The following DNAH10 variants were observed in gnomAD, a reference collection of about 807,000 sequenced individuals.
DNAH10 encodes dynein axonemal heavy chain 10, also known as axonemal beta dynein heavy chain 10.
Under a neutral mutation model 506.6 loss-of-function variants are expected in DNAH10, and 348 were observed. The observed-to-expected ratio is 0.69, with a 90% CI of 0.63 to 0.75. DNAH10 has a LOEUF of 0.75. Ranked by LOEUF, DNAH10 falls within the 30% of genes least tolerant of loss-of-function variation. The pLI is 0.00. For missense variants in DNAH10, 5,179 were observed against 5,787.1 expected (o/e 0.89, Z 3.41); for synonymous variants, 2,059 against 2,198.6 (o/e 0.94, Z 1.78).
At chr12:123,920,135 T>C (rs1954662808) in intron 65 of DNAH10, among the ~76,000 whole-genome samples, 1 of 152,226 alleles carries the variant, frequency 6.6e-6, no homozygotes, top group South Asian at 2.1e-4. Context: ...GAGAATAGTG[T>C]CGTGATCGTC....
chr12:123,927,094 G>A, intron 69 of DNAH10: 1 of 441,040 alleles, frequency 2.3e-6, no homozygotes. Context: ...CCAGGCTGGA[G>A]TGCAGTGGTG....
rs1290822207 is a variant in DNAH10 at position 123,787,652 on chromosome 12, C to T, written c.1422-152C>T. 2.2e-6 allele frequency: 2 copies of T among 898,868 alleles called. No individual in the cohort carries two copies. The highest frequency in any genetic ancestry group is 1.7e-5 in the African/African-American group (1 of 59,012). 55.7% of individuals were successfully genotyped at this position (898,868 alleles called of 1,614,324 possible). ...GCCCTTGCACATGGGACAGGGCAGC[C>T]GCTTGCCCGCTCTGCCTTTTCCGAT... On this transcript the variant is annotated intron_variant, in intron 9 of 78. Coordinates refer to ENST00000673944, the MANE Select transcript of DNAH10 (RefSeq NM_001372106.1). This position sits in a 1 kb window ranked among gnomAD's most constrained non-coding sequence, Gnocchi z 4.6.
chr12:123,929,365 C>G lies in DNAH10; in HGVS notation c.12397C>G (p.Pro4133Ala). 1 of 1,611,716 alleles carries G rather than the reference C, an allele frequency of 6.2e-7. No individual in the cohort carries two copies. The highest frequency in any genetic ancestry group is 8.5e-7 in the Non-Finnish European group (1 of 1,178,980). The change falls in exon 71 of 79, where the codon CCT becomes GCT. Residue 4133 changes from proline (P) to alanine (A), a missense_variant. Physicochemically the swap from Pro to Ala is conservative, Grantham distance 27. Coordinates refer to ENST00000673944, the MANE Select transcript of DNAH10 (RefSeq NM_001372106.1). ...SHEMLDQCPHPAFKPLVYVLA... is the reference protein window; with the variant it reads ...SHEMLDQCPHAAFKPLVYVLA... ...CGAAATGCTGGACCAGTGCCCGCAC[C>G]CTGCCTTCAAGCCGCTGGTCTACGT...
chr12:123,896,128 CACACACACACACACACACACAGAG>C lies in DNAH10; in HGVS notation c.9280+1407_9280+1430del, dbSNP rs1477041908. The stretch of plus-strand genomic sequence containing the variant: ...ACTTTATCTCACACACACACACACA[CACACACACACACACACACACAGAG>C]AGAGAGAGAGAGAGAGAGAGAGAGA... On this transcript the variant is annotated intron_variant, in intron 54 of 78. Coordinates refer to ENST00000673944, the MANE Select transcript of DNAH10 (RefSeq NM_001372106.1). Among the ~76,000 whole-genome samples the C allele has an allele frequency of 2.2e-3, 256 of 115,318 alleles. 1 individual carries two copies. The highest frequency in any genetic ancestry group is 9.1e-3 in the African/African-American group (245 of 27,056). 75.7% of individuals were successfully genotyped at this position (115,318 alleles called of 152,430 possible).
At position 123,820,699 on chromosome 12, in the gene DNAH10, A is replaced by C; in HGVS notation, c.4120A>C (p.Lys1374Gln). The change falls in exon 24 of 79, where the codon AAA becomes CAA. Residue 1374 changes from lysine to glutamine, a missense_variant. Physicochemically the swap from Lys to Gln is moderately conservative, Grantham distance 53. Around this residue, in one of 3 missense-constraint regions of DNAH10, gnomAD observed 4,844 missense variants for 5,430.5 expected, o/e 0.89. Coordinates refer to ENST00000673944, the MANE Select transcript of DNAH10 (RefSeq NM_001372106.1). ...TATTACAATGTACCCAGAGCTGCTG[A>C]AAGTGCAGAAGGAAATGAGTGGGCT... is the stretch of plus-strand genomic sequence containing the variant. Reference protein sequence around the residue: ...LPITMYPELLKVQKEMSGLRM... With the variant: ...LPITMYPELLQVQKEMSGLRM... 2 of 1,614,026 alleles carry C rather than the reference A, an allele frequency of 1.2e-6. No homozygotes were observed. Among genetic ancestry groups the C allele is most frequent in the South Asian group, 1.1e-5 (1 of 91,088 alleles).
chr12:123,844,836 G>T (rs577552646), intron 30 of DNAH10, among the ~76,000 whole-genome samples: 111 of 152,078 alleles, frequency 7.3e-4, no homozygotes, highest in Non-Finnish European at 1.4e-3. Context: ...ACAAGGTTTC[G>T]CTGTGTTGCC....
At chr12:123,865,849 A>T in intron 40 of DNAH10, 102 bp from the exon 41 acceptor site, 1 of 1,218,140 alleles carries the variant, frequency 8.2e-7, no homozygotes, top group Non-Finnish European at 1.1e-6. Context: ...TATTATTTGG[A>T]TTTCATGCAG....
In DNAH10 at chr12:123,800,266, T is replaced by G. The variant is rs1958434191; in HGVS notation, c.2340T>G (p.Phe780Leu). The G allele has an allele frequency of 2.5e-6, 4 of 1,614,070 alleles. No homozygotes were observed. The East Asian group carries it at 8.9e-5, about 36-fold the overall frequency. The change falls in exon 15 of 79, where the codon TTT becomes TTG. Residue 780 changes from phenylalanine (F) to leucine (L), a missense_variant. This residue lies in a region of DNAH10 where 4,844 missense variants were observed against 5,430.5 expected (regional missense o/e 0.89). Coordinates refer to ENST00000673944, the MANE Select transcript of DNAH10 (RefSeq NM_001372106.1). Reference protein sequence around the residue: ...EPSTLERGAVFAINFSPALRE... With the variant: ...EPSTLERGAVLAINFSPALRE... ...CGACTTTAGAAAGGGGAGCTGTTTT[T>G]GCAATCAACTTTTCACCGGCTCTCA... is the stretch of plus-strand genomic sequence containing the variant.
chr12:123,878,118 A>G (rs530121989), intron 48 of DNAH10, among the ~76,000 whole-genome samples: 1 of 152,300 alleles, frequency 6.6e-6, no homozygotes, highest in East Asian at 1.9e-4. Flanking sequence ...AAACCAAGAG[A>G]AGCAGAAGTG....
chr12:123,856,304 GTATA>G (rs979626502), intron 36 of DNAH10, among the ~76,000 whole-genome samples: 1 of 148,820 alleles, frequency 6.7e-6, no homozygotes, highest in Admixed American at 6.7e-5. Context: ...ATATGTATGT[GTATA>G]TATATGTGTG....
In DNAH10 at chr12:123,848,819, C is replaced by G. The variant is rs369689578; in HGVS notation, c.6039C>G (p.Ser2013=). The change falls in exon 34 of 79, where the codon TCC becomes TCG. Residue 2013 remains serine, a synonymous_variant. Transcript: ENST00000673944. ...ATCGAATCGATGCTTCTGTGCTCTC[C>G]GTGATCTCCTCCCAGATCCAGACGA... ...EFNRIDASVL[S]VISSQIQTIR... is the part of the protein sequence containing the mutation. The G allele has an allele frequency of 6.2e-7, 1 of 1,613,774 alleles. No homozygotes were observed. Among genetic ancestry groups the G allele is most frequent in the East Asian group, 2.2e-5 (1 of 44,886 alleles).
chr12:123,902,543 C>G lies in DNAH10; in HGVS notation c.9641-396C>G, dbSNP rs761606123. Among the ~76,000 whole-genome samples, 2 of 152,084 alleles carry G rather than the reference C, an allele frequency of 1.3e-5. No individual in the cohort carries two copies. Among genetic ancestry groups the G allele is most frequent in the Non-Finnish European group, 2.9e-5 (2 of 68,010 alleles). ...CTTAGAGGGTGGCTCTGGCTGGGCC[C>G]GAGTGAGCGTAGGAAGAGGCGATGA... On this transcript the variant is annotated intron_variant, in intron 56 of 78. Coordinates refer to ENST00000673944, the MANE Select transcript of DNAH10 (RefSeq NM_001372106.1). This position sits in a 1 kb window ranked among gnomAD's most constrained non-coding sequence, Gnocchi z 4.5.
chr12:123,762,604 CCT>C lies in DNAH10; in HGVS notation c.214+58_214+59del. 1.3e-6 allele frequency: 2 copies of C among 1,497,790 alleles called. No individual in the cohort carries two copies. The highest frequency in any genetic ancestry group is 1.8e-6 in the Non-Finnish European group (2 of 1,120,772). 92.8% of individuals were successfully genotyped at this position (1,497,790 alleles called of 1,614,324 possible). ...CGGGCTTCCCTCCTGCCCGTCCCGG[CCT>C]CTCCGGCGGGCGCCGGGGCTGCTAG... On this transcript the variant is annotated intron_variant, in intron 1 of 78. Coordinates refer to ENST00000673944, the MANE Select transcript of DNAH10 (RefSeq NM_001372106.1). This position sits in a 1 kb window ranked among gnomAD's most constrained non-coding sequence, Gnocchi z 5.0.
chr12:123,833,662 T>C (rs1960814754), intron 27 of DNAH10, among the ~76,000 whole-genome samples: 1 of 152,246 alleles, frequency 6.6e-6, no homozygotes. Flanking sequence ...TTGATGACAC[T>C]GAAAATTAGA....
At chr12:123,831,765 G>A (rs1016489134) in intron 26 of DNAH10, among the ~76,000 whole-genome samples, 6 of 151,682 alleles carry the variant, frequency 4.0e-5, no homozygotes, top group African/African-American at 1.5e-4. Context: ...GTGGTGCCGG[G>A]TGTGGTGGCG....
Position 123,879,657 on chromosome 12 carries a change from G to A in DNAH10, c.8490G>A (p.Leu2830=). The stretch of plus-strand genomic sequence containing the variant: ...AGGTACAACAGCACATAGGCAGCTT[G>A]GTTGTGGAACATTTTAAAGATGACG... ...KQLVQQHIGS[L]VVEHFKDDVE... Residue 2830 remains leucine (L), a synonymous_variant, in exon 50 of 79, where the codon TTG becomes TTA. Transcript: ENST00000673944. The A allele has an allele frequency of 1.9e-6, 3 of 1,614,018 alleles. No homozygotes were observed. The highest frequency in any genetic ancestry group is 2.2e-5 in the South Asian group (2 of 91,080).
chr12:123,875,456 T>G lies in DNAH10; in HGVS notation c.8164T>G (p.Leu2722Val). ...VPFPSEESLH[L>V]IYSSILKGHT... Reference sequence around the variant, plus strand: ...ATTTCCTTCAGAGGAGTCTCTGCATTTAATTTATTCCTCCATCCTGAAAGG... The same window carrying G: ...ATTTCCTTCAGAGGAGTCTCTGCATGTAATTTATTCCTCCATCCTGAAAGG... Residue 2722 changes from leucine to valine, a missense_variant, in exon 47 of 79, where the codon TTA (leucine) becomes GTA (valine). This residue lies in a region of DNAH10 where 4,844 missense variants were observed against 5,430.5 expected (regional missense o/e 0.89). Transcript: ENST00000673944. 1 of 1,613,982 alleles carries G rather than the reference T, an allele frequency of 6.2e-7. No homozygotes were observed. Among genetic ancestry groups the G allele is most frequent in the Non-Finnish European group, 8.5e-7 (1 of 1,179,890 alleles).
rs1275756674 is a variant in DNAH10, at chr12:123,925,770, G to A, written c.11921+566G>A. On this transcript the variant is annotated intron_variant, in intron 68 of 78. Coordinates refer to ENST00000673944, the MANE Select transcript of DNAH10 (RefSeq NM_001372106.1). The surrounding 1 kb of genome is among the most constrained non-coding windows in gnomAD (Gnocchi z 4.0). ...ATGGCAGTGAGTGATGAGGCTGGGTGGGGTCCTGGTCCCTGGGCAGCTGCC... is the reference window on the plus strand; with the variant it reads ...ATGGCAGTGAGTGATGAGGCTGGGTAGGGTCCTGGTCCCTGGGCAGCTGCC... 2.0e-5 allele frequency: 3 copies of A among 152,740 alleles called. No individual in the cohort carries two copies. Among genetic ancestry groups the A allele is most frequent in the African/African-American group, 2.4e-5 (1 of 41,456 alleles). The allele number at this position is 152,740 out of a possible 1,614,324, so 9.5% of individuals were successfully genotyped here.
rs143364588 is a variant in DNAH10 at position 123,934,945 on chromosome 12, C to T, written c.13623+179C>T. 457 of 807,326 alleles carry T rather than the reference C, an allele frequency of 5.7e-4. 3 individuals are homozygous for T. In the African/African-American group the frequency reaches 6.5e-3, roughly 11 times the overall value. 50.0% of individuals were successfully genotyped at this position (807,326 alleles called of 1,614,324 possible). ...GGATAGCTGCTTCCTGGAAAAGGCG[C>T]GGCTGTATGTGTGTGTGGATGCCGG... On this transcript the variant is annotated intron_variant, in intron 78 of 78. Coordinates refer to ENST00000673944, the MANE Select transcript of DNAH10 (RefSeq NM_001372106.1).
Sources: gnomAD v4.1 joint callset for allele counts (sites outside exome capture counted in the v4.1 genomes callset) on GRCh38, gnomAD v4.1.1 for gene constraint, gnomAD v4.1.1 regional missense constraint, Gnocchi (gnomAD v3.1) non-coding constraint, MANE v1.5 for transcripts, NCBI Gene and HGNC (gene_info 2026-07-23, HGNC 2026-07-21) for gene names.